Variants in PVALEF observed in about 807,000 individuals in gnomAD.
The protein encoded by PVALEF is parvalbumin like EF-hand containing.
A neutral mutation model predicts 1.2 loss-of-function variants in PVALEF; 2 were observed. That is an observed-to-expected ratio of 1.68 (90% CI 0.69 to 5.28). PVALEF has a LOEUF of 5.28. Among genes scored for constraint, PVALEF ranks in the 30% most tolerant of loss-of-function variants. The pLI is 0.06. For synonymous variants in PVALEF, 16 were observed against 6.5 expected, an observed-to-expected ratio of 2.47 and a Z score of -2.24; for missense variants, 35 against 17.7, an observed-to-expected ratio of 1.97 and a Z score of -1.75.
chr17:81,180,304 G>A (rs993619636), intron 3 of PVALEF, among the ~76,000 whole-genome samples: 3 of 152,178 alleles, frequency 2.0e-5, no homozygotes, highest in Non-Finnish European at 4.4e-5. Flanking sequence ...CATTGGGCCC[G>A]GGGCCCCGAG....
At chr17:81,176,594 A>C (rs1424094374) in intron 2 of PVALEF, among the ~76,000 whole-genome samples, 2 of 152,054 alleles carry the variant, frequency 1.3e-5, no homozygotes, top group Non-Finnish European at 1.5e-5. Context: ...AAAAAAAAAA[A>C]AAAACCTCCA....
intron 2 of PVALEF, among the ~76,000 whole-genome samples, chr17:81,175,220 G>C (rs2061532856): frequency 1.3e-5 from 2 of 152,140 alleles, no homozygotes; most frequent in South Asian, 4.1e-4. Flanking sequence ...CTTAGCCAAG[G>C]AGGTGAAAGA....
intron 2 of PVALEF, among the ~76,000 whole-genome samples, chr17:81,168,513 G>C (rs2061507039): frequency 6.6e-6 from 1 of 152,198 alleles, no homozygotes; most frequent in South Asian, 2.1e-4. Flanking sequence ...CCCTAGTGGG[G>C]CCCCCCAGGT....
intron 1 of PVALEF, among the ~76,000 whole-genome samples, chr17:81,166,413 C>T (rs1286199861): frequency 3.5e-5 from 3 of 84,566 alleles, no homozygotes; most frequent in Non-Finnish European, 7.0e-5. Context: ...GGACGGGGGG[C>T]CGTGCACGGA....
intron 2 of PVALEF, among the ~76,000 whole-genome samples, chr17:81,168,620 G>C (rs2061507482): frequency 6.6e-6 from 1 of 152,208 alleles, no homozygotes; most frequent in South Asian, 2.1e-4. Context: ...CCTGGGGGAA[G>C]GCATGATCTC....
Position 81,181,877 on chromosome 17 carries a change from T to C in PVALEF, c.243-89T>C, listed in dbSNP as rs111276032. 4.3e-3 allele frequency: 1,726 copies of C among 398,198 alleles called. 31 individuals carry two copies. The highest frequency in any genetic ancestry group is 0.032 in the African/African-American group (1,577 of 48,742). 24.7% of individuals were successfully genotyped at this position (398,198 alleles called of 1,614,324 possible). ...CCAGGCTCCCGGCCCGAAGTGCCCTTGCCTACAAGGTGGGGGGCGAACGGC... is the reference window on the plus strand; with the variant it reads ...CCAGGCTCCCGGCCCGAAGTGCCCTCGCCTACAAGGTGGGGGGCGAACGGC... On this transcript the variant is annotated intron_variant, in intron 5 of 6. Coordinates refer to ENST00000637878, the MANE Select transcript of PVALEF (RefSeq NM_001354639.2).
intron 6 of PVALEF, among the ~76,000 whole-genome samples, chr17:81,182,380 C>T (rs563711585): frequency 4.4e-4 from 67 of 152,308 alleles, no homozygotes; most frequent in Non-Finnish European, 8.8e-4. Flanking sequence ...CCATGGCTGC[C>T]CTGAGGTCTG....
At chr17:81,169,370 G>GT (rs991347862) in intron 2 of PVALEF, among the ~76,000 whole-genome samples, 14 of 151,896 alleles carry the variant, frequency 9.2e-5, no homozygotes, top group African/African-American at 2.7e-4. Flanking sequence ...GAGGCCAAGG[G>GT]GGGCGGACCG....
At chr17:81,180,295 A>G (rs546611819) in intron 3 of PVALEF, among the ~76,000 whole-genome samples, 72 of 152,250 alleles carry the variant, frequency 4.7e-4, no homozygotes, top group African/African-American at 1.7e-3. Flanking sequence ...AGGAGGTGAC[A>G]TTGGGCCCGG....
intron 2 of PVALEF, among the ~76,000 whole-genome samples, chr17:81,174,905 C>T (rs916022428): frequency 2.7e-5 from 4 of 150,700 alleles, no homozygotes; most frequent in East Asian, 1.9e-4. Context: ...GCAGAGATCA[C>T]GCCACTGCAC....
chr17:81,180,792 GC>G (rs1856777295), intron 3 of PVALEF, among the ~76,000 whole-genome samples: 1 of 152,072 alleles, frequency 6.6e-6, no homozygotes, highest in Non-Finnish European at 1.5e-5. Flanking sequence ...GAGAACACAG[GC>G]CGCCCCTCCT....
intron 2 of PVALEF, among the ~76,000 whole-genome samples, chr17:81,172,974 C>T (rs994152574): frequency 6.6e-6 from 1 of 152,018 alleles, no homozygotes; most frequent in African/African-American, 2.4e-5. Context: ...GGTGGAGAAG[C>T]GGCGGCGTGA....
At chr17:81,171,922 G>A (rs1376809428) in intron 2 of PVALEF, among the ~76,000 whole-genome samples, 3 of 152,156 alleles carry the variant, frequency 2.0e-5, no homozygotes, top group African/African-American at 4.8e-5. Context: ...ACCATCCCCA[G>A]AGGAAACCCC....
At chr17:81,172,277 C>T (rs1284702465) in intron 2 of PVALEF, among the ~76,000 whole-genome samples, 1 of 152,212 alleles carries the variant, frequency 6.6e-6, no homozygotes, top group Non-Finnish European at 1.5e-5. Context: ...CAACCCCACA[C>T]AGTGGGAAAG....
intron 2 of PVALEF, among the ~76,000 whole-genome samples, chr17:81,172,164 G>A (rs1183268195): frequency 2.6e-5 from 4 of 152,198 alleles, no homozygotes; most frequent in Non-Finnish European, 5.9e-5. Flanking sequence ...TTGTGTGGAC[G>A]GACTGCAGTG....
chr17:81,176,562 A>G (rs945097444), intron 2 of PVALEF, among the ~76,000 whole-genome samples: 66 of 149,152 alleles, frequency 4.4e-4, no homozygotes, highest in Admixed American at 4.3e-3. Context: ...GCCACCTCAC[A>G]CCCCTGAGGA....
intron 2 of PVALEF, among the ~76,000 whole-genome samples, chr17:81,167,723 G>A (rs2061503537): frequency 6.6e-6 from 1 of 152,238 alleles, no homozygotes; most frequent in Admixed American, 6.5e-5. Context: ...TGGGGCAGAA[G>A]GAGACAGGGC....
rs534612135 is a variant in PVALEF, at chr17:81,179,397, G to A, written c.-105+245G>A. 1.2e-4 allele frequency among the ~76,000 whole-genome samples: 19 copies of A among 152,064 alleles called. 1 individual carries two copies. The East Asian group carries it at 3.3e-3, about 26-fold the overall frequency. ...GACAGCTGCAGGTGCCTGGTCCTGC[G>A]GGGAGCACATGTGTGCACGTGTGTG... On this transcript the variant is annotated intron_variant, in intron 3 of 6. Coordinates refer to ENST00000637878, the MANE Select transcript of PVALEF (RefSeq NM_001354639.2).
intron 3 of PVALEF, among the ~76,000 whole-genome samples, chr17:81,179,666 C>A (rs2061547066): frequency 6.6e-6 from 1 of 152,202 alleles, no homozygotes; most frequent in Non-Finnish European, 1.5e-5. Flanking sequence ...GCCTCTATCA[C>A]CCCTTCCCCC....
Sources: allele counts gnomAD v4.1 joint callset (sites outside exome capture counted in the v4.1 genomes callset), GRCh38; gene constraint gnomAD v4.1.1; transcripts MANE v1.5; gene names NCBI Gene and HGNC (gene_info 2026-07-23, HGNC 2026-07-21).